The following ECI1 variants were observed in gnomAD, a reference collection of about 807,000 sequenced individuals.
ECI1 encodes enoyl-CoA delta isomerase 1, mitochondrial.
A neutral mutation model predicts 34.2 loss-of-function variants in ECI1; 34 were observed. That is an observed-to-expected ratio of 1.00 (90% CI 0.76 to 1.33). The LOEUF is 1.33. Ranked by LOEUF, ECI1 falls within the 40% of genes most tolerant of loss-of-function variation. ECI1 has a pLI of 0.00. For synonymous variants in ECI1, 211 were observed against 193.0 expected (o/e 1.09, Z -0.77); for missense variants, 456 against 422.2 (o/e 1.08, Z -0.70).
At chr16:2,242,220 T>C (rs781249486) in intron 6 of ECI1, among the ~76,000 whole-genome samples, 3 of 152,024 alleles carry the variant, frequency 2.0e-5, no homozygotes, top group Non-Finnish European at 2.9e-5. Context: ...CTTGAACTCC[T>C]GATCTCAAGT....
At chr16:2,247,650 G>C (rs2093543407) in intron 2 of ECI1, among the ~76,000 whole-genome samples, 1 of 152,038 alleles carries the variant, frequency 6.6e-6, no homozygotes, top group Non-Finnish European at 1.5e-5. Context: ...CGCTCGCCTC[G>C]GCCTCCCAAA....
At chr16:2,240,201 TC>T in intron 6 of ECI1, 56 bp from the exon 7 acceptor site, 1 of 1,571,576 alleles carries the variant, frequency 6.4e-7, no homozygotes, top group Non-Finnish European at 8.7e-7. Flanking sequence ...GTGGGGTGAT[TC>T]CCAACTTATT....
At position 2,240,126 on chromosome 16, in the gene ECI1, G is replaced by C; in HGVS notation, c.762C>G (p.Thr254=). ...CCGTGGCCTTTCGCATCATGGCCTT[G>C]GTCAGCTGTCGAGCATGGTCTAAAG... The part of the protein sequence containing the change: ...MAIPDHARQL[T]KAMMRKATAS... Residue 254 remains threonine (T), a synonymous_variant, in exon 7 of 7, where the codon ACC becomes ACG. Transcript: ENST00000301729. 1 of 1,613,836 alleles carries C rather than the reference G, an allele frequency of 6.2e-7. No individual in the cohort carries two copies. The highest frequency in any genetic ancestry group is 8.5e-7 in the Non-Finnish European group (1 of 1,180,038).
At position 2,244,565 on chromosome 16, in the gene ECI1, C is replaced by A; in HGVS notation, c.295-13G>T. On this transcript the variant is annotated splice_polypyrimidine_tract_variant and intron_variant, in intron 3 of 6. Transcript: ENST00000301729. ...CACCCGGGCGGTCCTGCAGGGGGAG[C>A]CGGGGCCACATGCCCATCAGAGTCC... 1.3e-6 allele frequency: 2 copies of A among 1,572,428 alleles called. No individual in the cohort carries two copies. Among genetic ancestry groups the A allele is most frequent in the Non-Finnish European group, 8.6e-7 (1 of 1,159,180 alleles).
chr16:2,244,216 C>T (rs2093534782), intron 4 of ECI1, 190 bp downstream of exon 4: 3 of 687,776 alleles, frequency 4.4e-6, no homozygotes, highest in Admixed American at 2.2e-5. Flanking sequence ...CAGGCCAGGG[C>T]CCTCACCCGA....
rs1304802877 is a variant in ECI1, at chr16:2,244,555, G to A, written c.295-3C>T. The A allele has an allele frequency of 1.9e-6, 3 of 1,579,128 alleles. No individual in the cohort carries two copies. The highest frequency in any genetic ancestry group is 2.6e-6 in the Non-Finnish European group (3 of 1,162,972). ...GCCGAGAAGACACCCGGGCGGTCCT[G>A]CAGGGGGAGCCGGGGCCACATGCCC... is the stretch of plus-strand genomic sequence containing the variant. On this transcript the variant is annotated splice_region_variant and splice_polypyrimidine_tract_variant and intron_variant, in intron 3 of 6. Transcript: ENST00000301729.
In ECI1 at chr16:2,246,884, C is replaced by G; in HGVS notation, c.269G>C (p.Ser90Thr). ...ISLEKLENDK[S>T]FRGVILTSDR... ...CGAGGTCAGAATGACACCGCGGAAG[C>G]TCTTGTCATTCTCCAGCTTCTCCAG... Residue 90 changes from serine (S) to threonine (T), a missense_variant, in exon 3 of 7, where the codon AGC becomes ACC. Ser to Thr is a moderately conservative substitution (Grantham distance 58). Coordinates refer to ENST00000301729, the MANE Select transcript of ECI1 (RefSeq NM_001919.4). 1 of 1,613,434 alleles carries G rather than the reference C, an allele frequency of 6.2e-7. No individual in the cohort carries two copies. The highest frequency in any genetic ancestry group is 8.5e-7 in the Non-Finnish European group (1 of 1,180,014).
intron 2 of ECI1, among the ~76,000 whole-genome samples, chr16:2,250,414 G>A (rs2093550643): frequency 6.6e-6 from 1 of 152,190 alleles, no homozygotes; most frequent in African/African-American, 2.4e-5. Context: ...TCCTGAAGCT[G>A]TGCAAAGTTG....
chr16:2,243,018 C>T (rs780806387), intron 6 of ECI1, 28 bp downstream of exon 6: 38 of 1,582,842 alleles, frequency 2.4e-5, no homozygotes, highest in Admixed American at 2.0e-4. Context: ...CCAGCATCAT[C>T]GGGCGCCCGC....
chr16:2,239,836 TG>T lies in ECI1; in HGVS notation c.*142del. 1 of 910,992 alleles carries T rather than the reference TG, an allele frequency of 1.1e-6. No homozygotes were observed. The highest frequency in any genetic ancestry group is 1.8e-6 in the Non-Finnish European group (1 of 566,638). The allele number at this position is 910,992 out of a possible 1,614,324, so 56.4% of individuals were successfully genotyped here. On this transcript the variant is annotated 3_prime_UTR_variant, in exon 7 of 7. Coordinates refer to ENST00000301729, the MANE Select transcript of ECI1 (RefSeq NM_001919.4). The stretch of plus-strand genomic sequence containing the variant: ...TGTGTGTGGCTGGGCCTTGGGCCAC[TG>T]GGCTATGAGGAACAGGAACTTCTAC...
intron 4 of ECI1, 98 bp from the exon 5 acceptor site, chr16:2,243,537 A>C: frequency 6.8e-7 from 1 of 1,474,378 alleles, no homozygotes; most frequent in Non-Finnish European, 9.3e-7. Context: ...CCCTTGGCGC[A>C]CCCCGACCCC....
In ECI1 at chr16:2,239,533, A is replaced by T. The variant is rs2093522691; in HGVS notation, c.*446T>A. ...TGCTCTGATTCACTGTGCGCTCTTC[A>T]TCCTGATGAGTAAGGGCAGTGACCA... On this transcript the variant is annotated 3_prime_UTR_variant, in exon 7 of 7. Transcript: ENST00000301729. 3.7e-6 allele frequency: 1 copy of T among 270,468 alleles called. No individual in the cohort carries two copies. Among genetic ancestry groups the T allele is most frequent in the Non-Finnish European group, 7.3e-6 (1 of 137,348 alleles). 16.8% of individuals were successfully genotyped at this position (270,468 alleles called of 1,614,324 possible).
rs1314810734 is a variant in ECI1 at position 2,239,716 on chromosome 16, G to A, written c.*263C>T. The A allele has an allele frequency of 3.9e-6, 2 of 511,472 alleles. No individual in the cohort carries two copies. The highest frequency in any genetic ancestry group is 1.9e-5 in the African/African-American group (1 of 51,838). The allele number at this position is 511,472 out of a possible 1,614,324, so 31.7% of individuals were successfully genotyped here. A position where few individuals can be genotyped will look rare whatever the true frequency, so the allele number is the denominator to read the frequency against. Reference sequence around the variant, plus strand: ...GAGACACTCCGTGGCAACCTCACCAGGTCCAGAATGGCATCCCCTGCCAGT... The same window carrying A: ...GAGACACTCCGTGGCAACCTCACCAAGTCCAGAATGGCATCCCCTGCCAGT... On this transcript the variant is annotated 3_prime_UTR_variant, in exon 7 of 7. Coordinates refer to ENST00000301729, the MANE Select transcript of ECI1 (RefSeq NM_001919.4).
In ECI1 at chr16:2,239,847, G is replaced by A. The variant is rs1567311200; in HGVS notation, c.*132C>T. ...GGGCCTTGGGCCACTGGGCTATGAGGAACAGGAACTTCTACGTAACATCAG... is the reference window on the plus strand; with the variant it reads ...GGGCCTTGGGCCACTGGGCTATGAGAAACAGGAACTTCTACGTAACATCAG... On this transcript the variant is annotated 3_prime_UTR_variant, in exon 7 of 7. Coordinates refer to ENST00000301729, the MANE Select transcript of ECI1 (RefSeq NM_001919.4). The A allele has an allele frequency of 4.0e-6, 4 of 1,010,672 alleles. No homozygotes were observed. 62.6% of individuals were successfully genotyped at this position (1,010,672 alleles called of 1,614,324 possible).
At chr16:2,249,876 C>CAAAAAAA (rs869259386) in intron 2 of ECI1, among the ~76,000 whole-genome samples, 211 of 20,344 alleles carry the variant, frequency 0.01, 45 homozygotes, top group Middle Eastern at 0.1. Flanking sequence ...GACTCCGTCT[C>CAAAAAAA]AAAAAAAAAA....
In ECI1 at chr16:2,243,057, A is replaced by T. The variant is rs1225874221; in HGVS notation, c.731T>A (p.Met244Lys). 7 of 1,603,350 alleles carry T rather than the reference A, an allele frequency of 4.4e-6. No homozygotes were observed. Among genetic ancestry groups the T allele is most frequent in the Non-Finnish European group, 5.1e-6 (6 of 1,179,724 alleles). Reference sequence around the variant, plus strand: ...GCCCCGTGCCTCACCTGGAATGGCCATCCACTGGGCTATCGCTGACAGCGC... The same window carrying T: ...GCCCCGTGCCTCACCTGGAATGGCCTTCCACTGGGCTATCGCTGACAGCGC... ...STALSAIAQW[M>K]AIPDHARQLT... is the part of the protein sequence containing the mutation. The change falls in exon 6 of 7, where the codon ATG becomes AAG. Residue 244 changes from methionine to lysine, a missense_variant. Physicochemically the swap from Met to Lys is moderately conservative, Grantham distance 95 (BLOSUM62 -1). Coordinates refer to ENST00000301729, the MANE Select transcript of ECI1 (RefSeq NM_001919.4).
rs1300355592 is a variant in ECI1 at position 2,251,570 on chromosome 16, G to C, written c.-4C>G. The C allele has an allele frequency of 1.3e-6, 2 of 1,554,678 alleles. No individual in the cohort carries two copies. The highest frequency in any genetic ancestry group is 1.7e-6 in the Non-Finnish European group (2 of 1,150,012). ...GCACAGAAGCCACCAGCGCCATCTT[G>C]ACCGCAACGCGCGGGATAAAGGTCG... On this transcript the variant is annotated 5_prime_UTR_variant, in exon 1 of 7. Transcript: ENST00000301729.
chr16:2,240,441 C>T lies in ECI1; in HGVS notation c.743-296G>A, dbSNP rs1333275184. ...GGCCAGGCTGGTCCCGAACTCCTGA[C>T]CTCAGGTGATCCACCCATCTCGGCC... On this transcript the variant is annotated intron_variant, in intron 6 of 6. Transcript: ENST00000301729. 9 of 368,084 alleles carry T rather than the reference C, an allele frequency of 2.4e-5. No individual in the cohort carries two copies. In the Admixed American group the frequency reaches 3.6e-4, roughly 15 times the overall value. The allele number at this position is 368,084 out of a possible 1,614,324, so 22.8% of individuals were successfully genotyped here.
intron 2 of ECI1, 93 bp from the exon 3 acceptor site, chr16:2,247,079 C>A: frequency 1.4e-6 from 2 of 1,438,804 alleles, no homozygotes; most frequent in Non-Finnish European, 1.9e-6. Flanking sequence ...GATAGCTGTG[C>A]ATTTTGGGGG....
Sources: gnomAD v4.1 joint callset for allele counts (sites outside exome capture counted in the v4.1 genomes callset) on GRCh38, gnomAD v4.1.1 for gene constraint, MANE v1.5 for transcripts, NCBI Gene and HGNC (gene_info 2026-07-23, HGNC 2026-07-21) for gene names.